ANAPC2: variants seen among roughly 807,000 people sequenced by gnomAD.
ANAPC2 encodes the protein anaphase-promoting complex subunit 2.
In ANAPC2, 29 loss-of-function variants were observed where a neutral mutation model predicts 84.3. That is an observed-to-expected ratio of 0.34 (90% CI 0.26 to 0.47). The LOEUF is 0.47. Ranked by LOEUF, ANAPC2 falls within the 20% of genes least tolerant of loss-of-function variation. The pLI, the probability that ANAPC2 is intolerant of heterozygous loss-of-function variation, is 1.00. For synonymous variants in ANAPC2, 571 were observed against 479.4 expected (o/e 1.19, Z -2.50); for missense variants, 857 against 1,131.7 (o/e 0.76, Z 3.48).
chr9:137,180,327 G>A lies in ANAPC2; in HGVS notation c.1744C>T (p.Pro582Ser), dbSNP rs572454732. The change falls in exon 10 of 13, where the codon CCA becomes TCA. Residue 582 changes from proline (P) to serine (S), a missense_variant. By Grantham distance (74) the Pro-to-Ser change is moderately conservative (BLOSUM62 -1). This residue lies in a region of ANAPC2 where 425 missense variants were observed against 595.5 expected (regional missense o/e 0.71). Transcript: ENST00000323927. ...CCGAACGGTGGCTGCTCCTCTGCTG[G>A]CCGCTTCTCATCCTCCTCCCGGATG... ...ANIREEDEKR[P>S]AEEQPPFGVY... 3.7e-5 allele frequency: 59 copies of A among 1,613,236 alleles called. 1 individual carries two copies. The South Asian group carries it at 6.0e-4, about 17-fold the overall frequency.
At position 137,186,466 on chromosome 9, in the gene ANAPC2, A is replaced by ACACACACACACCCAG. The variant is rs1471747349; in HGVS notation, c.741-125_741-111dup. ...CCTGTAGAGTGCATGCAGCACACACACACACACACACCCAGCACACACCTC... is the reference window on the plus strand; with the variant it reads ...CCTGTAGAGTGCATGCAGCACACACACACACACACACCCAGCACACACACACCCAGCACACACCTC... On this transcript the variant is annotated intron_variant, in intron 2 of 12. Coordinates refer to ENST00000323927, the MANE Select transcript of ANAPC2 (RefSeq NM_013366.4). 41 of 1,383,874 alleles carry ACACACACACACCCAG rather than the reference A, an allele frequency of 3.0e-5. No individual in the cohort carries two copies. In the East Asian group the frequency reaches 1.0e-3, roughly 35 times the overall value. The allele number at this position is 1,383,874 out of a possible 1,614,324, so 85.7% of individuals were successfully genotyped here. A position where few individuals can be genotyped will look rare whatever the true frequency, so the allele number is the denominator to read the frequency against.
At chr9:137,175,624 ACCACACCCTCACTGGGGAACAGCC>A in intron 11 of ANAPC2, 60 bp downstream of exon 11, 1 of 1,533,006 alleles carries the variant, frequency 6.5e-7, no homozygotes, top group Non-Finnish European at 8.8e-7. Context: ...GCTGCCCCAA[ACCACACCCTCACTGGGGAACAGCC>A]CCTCACCCAC....
Position 137,187,543 on chromosome 9 carries a change from A to G in ANAPC2, c.678T>C (p.Ser226=), listed in dbSNP as rs1453142702. Residue 226 remains serine, a synonymous_variant, in exon 2 of 13, where the codon AGT becomes AGC. Transcript: ENST00000323927. ...GGCGACACCAGCACTGTTGCTTGTC[A>G]CTGCTGCACCCTGCACACAGCGGGC... ...LQSPLCAGCS[S]DKQQCWCRQA... is the part of the protein sequence containing the mutation. 13 of 1,613,474 alleles carry G rather than the reference A, an allele frequency of 8.1e-6. No homozygotes were observed. Among genetic ancestry groups the G allele is most frequent in the Non-Finnish European group, 1.1e-5 (13 of 1,179,806 alleles).
intron 4 of ANAPC2, among the ~76,000 whole-genome samples, chr9:137,184,488 C>A (rs1247407888): frequency 1.5e-5 from 2 of 130,872 alleles, no homozygotes; most frequent in African/African-American, 6.0e-5. Context: ...GCAGACACGG[C>A]GAAGGCACAG....
At chr9:137,180,700 C>T in intron 8 of ANAPC2, 88 bp downstream of exon 8, 1 of 1,573,740 alleles carries the variant, frequency 6.4e-7, no homozygotes, top group African/African-American at 1.3e-5. Flanking sequence ...CAACCAGGCC[C>T]CAGGCACGGC....
At chr9:137,180,646 G>T in intron 8 of ANAPC2, 119 bp from the exon 9 acceptor site, 1 of 1,570,030 alleles carries the variant, frequency 6.4e-7, no homozygotes, top group Non-Finnish European at 8.7e-7. Context: ...GCACCCCAAT[G>T]GCTAGCACAC....
rs562076773 is a variant in ANAPC2 at position 137,175,987 on chromosome 9, T to C, written c.1891-150A>G. ...CAGGTGAGCAGCGAGAGCACAGGACTGGGTGGGGTCCCCACCTGCTCAGCC... is the reference window on the plus strand; with the variant it reads ...CAGGTGAGCAGCGAGAGCACAGGACCGGGTGGGGTCCCCACCTGCTCAGCC... On this transcript the variant is annotated intron_variant, in intron 10 of 12. Transcript: ENST00000323927. 4.0e-6 allele frequency: 4 copies of C among 1,012,238 alleles called. No homozygotes were observed. In the South Asian group the frequency reaches 6.8e-5, roughly 17 times the overall value. The allele number at this position is 1,012,238 out of a possible 1,614,324, so 62.7% of individuals were successfully genotyped here. A position where few individuals can be genotyped will look rare whatever the true frequency, so the allele number is the denominator to read the frequency against.
At chr9:137,181,076 G>A (rs959702295) in intron 7 of ANAPC2, 147 bp from the exon 8 acceptor site, 12 of 1,026,022 alleles carry the variant, frequency 1.2e-5, no homozygotes, top group Admixed American at 1.0e-4. Flanking sequence ...TGAGCCTCCC[G>A]GGAGACCTGG....
rs571333032 is a variant in ANAPC2, at chr9:137,181,936, C to T, written c.1287-74G>A. ...CACCTCCCACCACTCATTCCAGTCC[C>T]GGCCCCATCTAGGCCAGCACCACCG... On this transcript the variant is annotated intron_variant, in intron 6 of 12. Coordinates refer to ENST00000323927, the MANE Select transcript of ANAPC2 (RefSeq NM_013366.4). 368 of 1,503,814 alleles carry T rather than the reference C, an allele frequency of 2.4e-4. 1 individual carries two copies. In the African/African-American group the frequency reaches 4.2e-3, roughly 17 times the overall value. 93.2% of individuals were successfully genotyped at this position (1,503,814 alleles called of 1,614,324 possible).
At chr9:137,185,309 C>T (rs541810571) in intron 3 of ANAPC2, among the ~76,000 whole-genome samples, 5 of 152,352 alleles carry the variant, frequency 3.3e-5, no homozygotes, top group East Asian at 1.9e-4. Context: ...GCCTCTCACA[C>T]GCGCCAGTGC....
At position 137,187,592 on chromosome 9, in the gene ANAPC2, C is replaced by T. The variant is rs1044894128; in HGVS notation, c.629G>A (p.Arg210His). ...EGELDSRYAR[R>H]RYYRLLQSPL... ...GCTCTGCAGGAGCCGGTAGTACCGG[C>T]GACGGGCATACCGGCTGTCCAGCTC... Residue 210 changes from arginine (R) to histidine (H), a missense_variant, in exon 2 of 13, where the codon CGC becomes CAC. Arg to His is a conservative substitution (Grantham distance 29). Coordinates refer to ENST00000323927, the MANE Select transcript of ANAPC2 (RefSeq NM_013366.4). 6.2e-7 allele frequency: 1 copy of T among 1,613,862 alleles called. No individual in the cohort carries two copies. Among genetic ancestry groups the T allele is most frequent in the Non-Finnish European group, 8.5e-7 (1 of 1,180,038 alleles).
intron 3 of ANAPC2, among the ~76,000 whole-genome samples, chr9:137,185,627 A>G (rs1056085096): frequency 6.6e-6 from 1 of 152,164 alleles, no homozygotes; most frequent in African/African-American, 2.4e-5. Context: ...CCAACATCAC[A>G]GCCAATCTGC....
At chr9:137,186,713 C>T (rs777881541) in intron 2 of ANAPC2, 32 of 278,288 alleles carry the variant, frequency 1.1e-4, no homozygotes, top group Non-Finnish European at 1.6e-4. Context: ...GCACTGCTAC[C>T]CTGGCCGCAG....
In ANAPC2 at chr9:137,188,490, G is replaced by C; in HGVS notation, c.43C>G (p.Arg15Gly). 2.5e-6 allele frequency: 4 copies of C among 1,609,976 alleles called. No homozygotes were observed. Among genetic ancestry groups the C allele is most frequent in the Non-Finnish European group, 3.4e-6 (4 of 1,179,494 alleles). Residue 15 changes from arginine to glycine, a missense_variant, in exon 1 of 13, where the codon CGG becomes GGG. Coordinates refer to ENST00000323927, the MANE Select transcript of ANAPC2 (RefSeq NM_013366.4). ...VVVAEGDSDS[R>G]PGQELLVAWN... Reference sequence around the variant, plus strand: ...GCCACTAACAACTCCTGTCCGGGCCGGGAGTCGCTGTCCCCCTCCGCCACC... The same window carrying C: ...GCCACTAACAACTCCTGTCCGGGCCCGGAGTCGCTGTCCCCCTCCGCCACC...
Position 137,186,233 on chromosome 9 carries a change from C to G in ANAPC2, c.864G>C (p.Glu288Asp). Residue 288 changes from glutamate (E) to aspartate (D), a missense_variant, in exon 3 of 13, where the codon GAG (glutamate) becomes GAC (aspartate). Coordinates refer to ENST00000323927, the MANE Select transcript of ANAPC2 (RefSeq NM_013366.4). ...RGEYERSFLR[E>D]FHKWIERVVG... is the part of the protein sequence containing the mutation. Reference sequence around the variant, plus strand: ...AGGGAGGGGTCCTCACCTTGTGGAACTCACGCAGGAAGGAGCGCTCGTACT... The same window carrying G: ...AGGGAGGGGTCCTCACCTTGTGGAAGTCACGCAGGAAGGAGCGCTCGTACT... 1 of 1,612,690 alleles carries G rather than the reference C, an allele frequency of 6.2e-7. No homozygotes were observed. The highest frequency in any genetic ancestry group is 8.5e-7 in the Non-Finnish European group (1 of 1,179,942).
intron 6 of ANAPC2, among the ~76,000 whole-genome samples, chr9:137,182,371 G>C (rs866054482): frequency 6.6e-6 from 1 of 152,122 alleles, no homozygotes. Context: ...AGTTAGCCAG[G>C]CTTGGTGGCG....
chr9:137,183,280 C>G, intron 5 of ANAPC2, 38 bp from the exon 6 acceptor site: 1 of 1,539,200 alleles, frequency 6.5e-7, no homozygotes. Flanking sequence ...ATGCAGTGCC[C>G]GGGACCACAG....
At chr9:137,177,416 C>T (rs1487610283) in intron 10 of ANAPC2, among the ~76,000 whole-genome samples, 1 of 147,906 alleles carries the variant, frequency 6.8e-6, no homozygotes, top group Admixed American at 6.7e-5. Context: ...TCACGGCGTC[C>T]CAGCTGGAGG....
At position 137,186,264 on chromosome 9, in the gene ANAPC2, C is replaced by T. The variant is rs2131341435; in HGVS notation, c.833G>A (p.Arg278Gln). ...VTRERMEDRC[R>Q]GEYERSFLRE... ...CAGGAAGGAGCGCTCGTACTCGCCC[C>T]GGCAACGGTCCTCCATCCTCTCCCG... Residue 278 changes from arginine to glutamine, a missense_variant, in exon 3 of 13, where the codon CGG becomes CAG. Coordinates refer to ENST00000323927, the MANE Select transcript of ANAPC2 (RefSeq NM_013366.4). The T allele has an allele frequency of 3.1e-6, 5 of 1,612,538 alleles. No homozygotes were observed. The highest frequency in any genetic ancestry group is 2.2e-5 in the East Asian group (1 of 44,888).
Sources: allele counts gnomAD v4.1 joint callset (sites outside exome capture counted in the v4.1 genomes callset), GRCh38; gene constraint gnomAD v4.1.1; regional missense constraint gnomAD v4.1.1; transcripts MANE v1.5; gene names NCBI Gene and HGNC (gene_info 2026-07-23, HGNC 2026-07-21).